Variants in LHFPL3 observed in about 807,000 individuals in gnomAD.
LHFPL3 encodes LHFPL tetraspan subfamily member 3.
Under a neutral mutation model 19.3 loss-of-function variants are expected in LHFPL3, and 5 were observed. The ratio of observed to expected loss-of-function variants is 0.26; its 90% CI spans 0.14 to 0.54. The LOEUF (loss-of-function observed/expected upper bound fraction) is 0.54. Ranked by LOEUF, LHFPL3 falls within the 20% of genes least tolerant of loss-of-function variation. The pLI is 0.94. For synonymous variants in LHFPL3, 133 were observed against 126.2 expected (o/e 1.05, Z -0.36); for missense variants, 249 against 307.4 (o/e 0.81, Z 1.42).
chr7:104,542,626 G>T (rs908088977), intron 1 of LHFPL3, among the ~76,000 whole-genome samples: 1 of 151,954 alleles, frequency 6.6e-6, no homozygotes, highest in African/African-American at 2.4e-5. Context: ...GCATCACTGA[G>T]ATGGGATGTC....
chr7:104,335,102 C>G (rs1291199166), intron 1 of LHFPL3, among the ~76,000 whole-genome samples: 3 of 152,144 alleles, frequency 2.0e-5, no homozygotes, highest in Non-Finnish European at 4.4e-5. Flanking sequence ...ATGGGGTGCT[C>G]TGAAGAGGGG....
intron 1 of LHFPL3, among the ~76,000 whole-genome samples, chr7:104,446,770 G>A (rs1170147310): frequency 1.3e-5 from 2 of 151,928 alleles, no homozygotes; most frequent in Non-Finnish European, 2.9e-5. Flanking sequence ...TAGAGACAGG[G>A]TTTCACTGTG....
At chr7:104,464,154 G>C (rs780547976) in intron 1 of LHFPL3, among the ~76,000 whole-genome samples, 2 of 152,260 alleles carry the variant, frequency 1.3e-5, no homozygotes, top group South Asian at 2.1e-4. Flanking sequence ...CAATGGGGCA[G>C]TTATTAAACC....
At chr7:104,538,518 A>G (rs1432973589) in intron 1 of LHFPL3, among the ~76,000 whole-genome samples, 1 of 152,208 alleles carries the variant, frequency 6.6e-6, no homozygotes, top group Admixed American at 6.5e-5. Context: ...ATGTCAGAAT[A>G]ACACGTTTTC....
At chr7:104,884,209 A>G (rs1792104536) in intron 2 of LHFPL3, among the ~76,000 whole-genome samples, 1 of 152,186 alleles carries the variant, frequency 6.6e-6, no homozygotes, top group Admixed American at 6.5e-5. Context: ...AGTACTAACA[A>G]CATCACGGAG....
At chr7:104,886,343 A>G (rs139511719) in intron 2 of LHFPL3, among the ~76,000 whole-genome samples, 19 of 152,238 alleles carry the variant, frequency 1.2e-4, no homozygotes, top group African/African-American at 4.6e-4. Context: ...AGGTCTTATT[A>G]GGAGTTTTTC....
At chr7:104,859,768 T>C (rs560426434) in intron 2 of LHFPL3, among the ~76,000 whole-genome samples, 86 of 152,312 alleles carry the variant, frequency 5.6e-4, no homozygotes, top group Non-Finnish European at 1.0e-3. Context: ...TAATAGTGGA[T>C]ACACATCTGT....
At chr7:104,866,923 C>T (rs1390096638) in intron 2 of LHFPL3, among the ~76,000 whole-genome samples, 1 of 152,194 alleles carries the variant, frequency 6.6e-6, no homozygotes, top group East Asian at 1.9e-4. Flanking sequence ...TTAAGAAACT[C>T]ACTCAAAACT....
chr7:104,771,128 C>G (rs1490014857), intron 2 of LHFPL3, among the ~76,000 whole-genome samples: 1 of 152,152 alleles, frequency 6.6e-6, no homozygotes, highest in Non-Finnish European at 1.5e-5. Context: ...TTCACAAAGC[C>G]ACACAGTATG....
chr7:104,395,284 G>C (rs1339540579), intron 1 of LHFPL3, among the ~76,000 whole-genome samples: 1 of 152,184 alleles, frequency 6.6e-6, no homozygotes, highest in Non-Finnish European at 1.5e-5. Flanking sequence ...TCCACAGTCA[G>C]TTAAAAAGGC....
intron 2 of LHFPL3, among the ~76,000 whole-genome samples, chr7:104,836,430 A>G (rs187902262): frequency 7.2e-4 from 109 of 152,274 alleles, no homozygotes; most frequent in African/African-American, 2.5e-3. Flanking sequence ...CCCATATGCT[A>G]AGGCACTTAT....
intron 1 of LHFPL3, among the ~76,000 whole-genome samples, chr7:104,433,382 C>T (rs573526241): frequency 6.6e-6 from 1 of 152,210 alleles, no homozygotes; most frequent in Non-Finnish European, 1.5e-5. Context: ...CCCCCCAGGG[C>T]TCTCTGGAGT....
intron 1 of LHFPL3, among the ~76,000 whole-genome samples, chr7:104,597,565 G>C (rs1419709361): frequency 6.6e-6 from 1 of 152,088 alleles, no homozygotes; most frequent in African/African-American, 2.4e-5. Flanking sequence ...TTGACATGGT[G>C]GGGGGAGGGG....
intron 1 of LHFPL3, among the ~76,000 whole-genome samples, chr7:104,420,037 A>C (rs2116531002): frequency 6.6e-6 from 1 of 152,334 alleles, no homozygotes. Context: ...TCACTATTAA[A>C]GAGCTTTGGT....
Position 104,570,170 on chromosome 7 carries a change from G to A in LHFPL3, c.446-166505G>A, listed in dbSNP as rs191041699. ...GGGGTGGATGAAATTTGGTATTACA[G>A]AGTAAATGCCCAGTCTATATTGATT... is the stretch of plus-strand genomic sequence containing the variant. On this transcript the variant is annotated intron_variant, in intron 1 of 2. Coordinates refer to ENST00000424859, the MANE Select transcript of LHFPL3 (RefSeq NM_199000.3). Among the ~76,000 whole-genome samples, 4 of 152,308 alleles carry A rather than the reference G, an allele frequency of 2.6e-5. No individual in the cohort carries two copies. The East Asian group carries it at 7.7e-4, about 29-fold the overall frequency.
At chr7:104,898,759 G>A (rs903197372) in intron 2 of LHFPL3, among the ~76,000 whole-genome samples, 4 of 152,092 alleles carry the variant, frequency 2.6e-5, no homozygotes, top group African/African-American at 9.7e-5. Flanking sequence ...GTTTGAGGCT[G>A]CAGCGGGCTG....
intron 1 of LHFPL3, among the ~76,000 whole-genome samples, chr7:104,519,805 A>G (rs905659132): frequency 6.6e-6 from 1 of 152,116 alleles, no homozygotes; most frequent in Non-Finnish European, 1.5e-5. Flanking sequence ...GTGTGCTTCT[A>G]GGGAAGCAAC....
chr7:104,588,090 T>A (rs919669216), intron 1 of LHFPL3, among the ~76,000 whole-genome samples: 4 of 152,210 alleles, frequency 2.6e-5, no homozygotes, highest in African/African-American at 9.6e-5. Context: ...GATGGCACTT[T>A]CTTTTGCTGT....
Position 104,694,090 on chromosome 7 carries a change from C to G in LHFPL3, c.446-42585C>G, listed in dbSNP as rs568263104. On this transcript the variant is annotated intron_variant, in intron 1 of 2. Coordinates refer to ENST00000424859, the MANE Select transcript of LHFPL3 (RefSeq NM_199000.3). ...GGAGAAATAAGGGGTGTTTTCCTCT[C>G]CTTCCCTGTTCAGAAAGAGCAAGGG... Among the ~76,000 whole-genome samples the G allele has an allele frequency of 6.6e-5, 10 of 152,280 alleles. No homozygotes were observed. The East Asian group carries it at 1.9e-3, about 29-fold the overall frequency.
Sources: allele counts gnomAD v4.1 joint callset (sites outside exome capture counted in the v4.1 genomes callset), GRCh38; gene constraint gnomAD v4.1.1; transcripts MANE v1.5; gene names NCBI Gene and HGNC (gene_info 2026-07-23, HGNC 2026-07-21).